Variants in PSEN1 observed in about 807,000 individuals in gnomAD.
The protein encoded by PSEN1 is presenilin-1.
PSEN1 carries 15 observed loss-of-function variants against 53.5 expected under a neutral mutation model. That is an observed-to-expected ratio of 0.28 (90% CI 0.19 to 0.43). The LOEUF (loss-of-function observed/expected upper bound fraction) is 0.43. Among genes scored for constraint, PSEN1 ranks in the 20% least tolerant of loss-of-function variants. The pLI is 1.00. For missense variants in PSEN1, 387 were observed against 571.2 expected, an observed-to-expected ratio of 0.68 and a Z score of 3.29; for synonymous variants, 208 against 209.8, an observed-to-expected ratio of 0.99 and a Z score of 0.08.
chr14:73,143,321 A>G (rs1379892085), intron 1 of PSEN1, among the ~76,000 whole-genome samples: 1 of 152,256 alleles, frequency 6.6e-6, no homozygotes, highest in Middle Eastern at 3.4e-3. Context: ...TAGCATTGTG[A>G]TCTTTGGAAG....
At chr14:73,207,638 G>T (rs538245906) in intron 9 of PSEN1, among the ~76,000 whole-genome samples, 1 of 152,352 alleles carries the variant, frequency 6.6e-6, no homozygotes, top group African/African-American at 2.4e-5. Context: ...ACTCTCACGG[G>T]ATCCTTAGGG....
At position 73,205,815 on chromosome 14, in the gene PSEN1, C is replaced by G. The variant is rs187459198; in HGVS notation, c.869-571C>G. 4.7e-3 allele frequency among the ~76,000 whole-genome samples: 709 copies of G among 152,270 alleles called. 14 individuals are homozygous for G. The South Asian group carries it at 0.059, about 13-fold the overall frequency. On this transcript the variant is annotated intron_variant, in intron 8 of 11. Coordinates refer to ENST00000324501, the MANE Select transcript of PSEN1 (RefSeq NM_000021.4). ...GAGATGCACATGTGTATATCTAGATCTAGATTGATATATTGATATACATGT... is the reference window on the plus strand; with the variant it reads ...GAGATGCACATGTGTATATCTAGATGTAGATTGATATATTGATATACATGT...
intron 3 of PSEN1, among the ~76,000 whole-genome samples, chr14:73,161,224 C>T (rs1307474128): frequency 6.6e-6 from 1 of 152,130 alleles, no homozygotes. Flanking sequence ...ATCCACCTGC[C>T]TTAGCCTCCC....
intron 8 of PSEN1, among the ~76,000 whole-genome samples, chr14:73,205,478 CAAAA>C (rs34992040): frequency 7.7e-5 from 5 of 64,676 alleles, no homozygotes; most frequent in Admixed American, 3.4e-4. Context: ...GACTCTGTCT[CAAAA>C]AAAAAAAAAA....
intron 5 of PSEN1, among the ~76,000 whole-genome samples, chr14:73,178,810 G>A (rs779635524): frequency 2.6e-5 from 4 of 151,932 alleles, no homozygotes; most frequent in Non-Finnish European, 2.9e-5. Flanking sequence ...TGATATTTTT[G>A]TTTTATTGGC....
At chr14:73,210,996 C>G (rs936933743) in intron 9 of PSEN1, among the ~76,000 whole-genome samples, 6 of 152,174 alleles carry the variant, frequency 3.9e-5, no homozygotes, top group African/African-American at 1.4e-4. Context: ...ACTCCCCGCT[C>G]CTTTCCCAAT....
rs1161712275 is a variant in PSEN1, at chr14:73,202,469, T to A, written c.869-3917T>A. ...ATATATATATATATATATATTTTTT[T>A]TTTTTTTTTTTTTTTTTTTTTTTGA... On this transcript the variant is annotated intron_variant, in intron 8 of 11. Coordinates refer to ENST00000324501, the MANE Select transcript of PSEN1 (RefSeq NM_000021.4). Among the ~76,000 whole-genome samples the A allele has an allele frequency of 1.4e-3, 74 of 52,374 alleles. 1 individual carries two copies. The highest frequency in any genetic ancestry group is 4.6e-3 in the African/African-American group (59 of 12,886). 34.4% of individuals were successfully genotyped at this position (52,374 alleles called of 152,430 possible).
At chr14:73,194,749 T>C (rs1260265793) in intron 7 of PSEN1, among the ~76,000 whole-genome samples, 1 of 151,850 alleles carries the variant, frequency 6.6e-6, no homozygotes, top group African/African-American at 2.4e-5. Flanking sequence ...TTTGTATTTG[T>C]AGTAGAGACG....
At chr14:73,183,496 ACT>A (rs1237364201) in intron 5 of PSEN1, among the ~76,000 whole-genome samples, 2 of 151,680 alleles carry the variant, frequency 1.3e-5, no homozygotes, top group Non-Finnish European at 2.9e-5. Flanking sequence ...AGTGGTGATG[ACT>A]CTTAACGAGC....
intron 8 of PSEN1, among the ~76,000 whole-genome samples, chr14:73,205,208 G>A (rs1899401971): frequency 6.6e-6 from 1 of 151,988 alleles, no homozygotes; most frequent in South Asian, 2.1e-4. Context: ...CGGGCGTGGT[G>A]GCTCACGCCT....
At chr14:73,148,911 C>T (rs1316193724) in intron 3 of PSEN1, among the ~76,000 whole-genome samples, 3 of 151,468 alleles carry the variant, frequency 2.0e-5, no homozygotes, top group African/African-American at 4.9e-5. Context: ...CCAGCCTGGG[C>T]GACGAGCGAA....
intron 3 of PSEN1, among the ~76,000 whole-genome samples, chr14:73,151,967 A>G (rs1345950126): frequency 2.6e-5 from 3 of 114,664 alleles, no homozygotes; most frequent in Non-Finnish European, 4.9e-5. Context: ...GCTGGAGTGC[A>G]GTGGCACGAT....
At chr14:73,145,846 C>T (rs193207548) in intron 1 of PSEN1, among the ~76,000 whole-genome samples, 1 of 152,182 alleles carries the variant, frequency 6.6e-6, no homozygotes, top group Admixed American at 6.5e-5. Flanking sequence ...GTGGCTCACA[C>T]CTGTAATCCT....
intron 5 of PSEN1, among the ~76,000 whole-genome samples, chr14:73,183,450 C>T (rs960943450): frequency 2.0e-5 from 3 of 152,052 alleles, no homozygotes; most frequent in African/African-American, 4.8e-5. Context: ...TGCGGCCTTC[C>T]GCAGTGTTTG....
At chr14:73,165,162 G>T (rs960440082) in intron 3 of PSEN1, among the ~76,000 whole-genome samples, 13 of 152,094 alleles carry the variant, frequency 8.5e-5, no homozygotes, top group Middle Eastern at 3.4e-3. Flanking sequence ...CACCATGTTG[G>T]CCAGGCTGGT....
chr14:73,216,206 A>G (rs543948769), intron 10 of PSEN1, among the ~76,000 whole-genome samples: 4 of 152,362 alleles, frequency 2.6e-5, no homozygotes, highest in African/African-American at 9.6e-5. Flanking sequence ...TGTATGAGTC[A>G]TATGAAATGT....
In PSEN1 at chr14:73,222,328, G is replaced by A. The variant is rs1354024010; in HGVS notation, c.*3039G>A. On this transcript the variant is annotated 3_prime_UTR_variant, in exon 12 of 12. Transcript: ENST00000324501. ...GGGATTCCCATTCTGTAGTCTCTCT[G>A]CTTTTAAAAACCCTCCTTTTGCAAT... is the stretch of plus-strand genomic sequence containing the variant. The A allele has an allele frequency of 6.6e-6, 1 of 152,150 alleles. No homozygotes were observed. The highest frequency in any genetic ancestry group is 2.4e-5 in the African/African-American group (1 of 41,440). 9.4% of individuals were successfully genotyped at this position (152,150 alleles called of 1,614,324 possible).
intron 3 of PSEN1, among the ~76,000 whole-genome samples, chr14:73,156,600 C>T (rs1037387600): frequency 6.6e-6 from 1 of 151,676 alleles, no homozygotes; most frequent in Non-Finnish European, 1.5e-5. Flanking sequence ...GAATAAATTG[C>T]ACATGGGCTT....
intron 6 of PSEN1, among the ~76,000 whole-genome samples, chr14:73,191,775 T>C (rs1378279195): frequency 1.3e-5 from 2 of 152,170 alleles, no homozygotes; most frequent in Non-Finnish European, 2.9e-5. Flanking sequence ...CTGGAATTCC[T>C]GGCCTCAAGT....
Sources: allele counts gnomAD v4.1 joint callset (sites outside exome capture counted in the v4.1 genomes callset), GRCh38; gene constraint gnomAD v4.1.1; transcripts MANE v1.5; gene names NCBI Gene and HGNC (gene_info 2026-07-23, HGNC 2026-07-21).